Variants in CAPN14 observed in about 807,000 individuals in gnomAD.
CAPN14 encodes the protein calpain-14.
CAPN14 carries 94 observed loss-of-function variants against 101.3 expected under a neutral mutation model. That is an observed-to-expected ratio of 0.93 (90% CI 0.79 to 1.10). CAPN14 has a LOEUF of 1.10. Ranked by LOEUF, CAPN14 falls within the 50% of genes least tolerant of loss-of-function variation. The pLI, the probability that CAPN14 is intolerant of heterozygous loss-of-function variation, is 0.00. For synonymous variants in CAPN14, 338 were observed against 317.9 expected (o/e 1.06, Z -0.67); for missense variants, 837 against 828.4 (o/e 1.01, Z -0.13).
At chr2:31,229,585 C>G (rs1683125523) in intron 1 of CAPN14, among the ~76,000 whole-genome samples, 1 of 147,962 alleles carries the variant, frequency 6.8e-6, no homozygotes, top group African/African-American at 2.5e-5. Context: ...CTGAGGCAGG[C>G]TGAGAATCTC....
At chr2:31,176,403 T>C (rs886187386) in intron 21 of CAPN14, among the ~76,000 whole-genome samples, 184 bp downstream of exon 21, 2 of 152,216 alleles carry the variant, frequency 1.3e-5, no homozygotes, top group Non-Finnish European at 2.9e-5. Flanking sequence ...ACAAAGTGGG[T>C]GCTCAGAAAA....
At chr2:31,195,029 T>C (rs1315177909) in intron 8 of CAPN14, among the ~76,000 whole-genome samples, 1 of 152,150 alleles carries the variant, frequency 6.6e-6, no homozygotes, top group Non-Finnish European at 1.5e-5. Context: ...CTGAAGGTAA[T>C]TTCCTGGCCA....
At position 31,201,901 on chromosome 2, in the gene CAPN14, T is replaced by A; in HGVS notation, c.512A>T (p.Asn171Ile). 2 of 1,551,708 alleles carry A rather than the reference T, an allele frequency of 1.3e-6. No individual in the cohort carries two copies. Among genetic ancestry groups the A allele is most frequent in the Non-Finnish European group, 1.7e-6 (2 of 1,146,992 alleles). The change falls in exon 5 of 22, where the codon AAC becomes ATC. Residue 171 changes from asparagine (N) to isoleucine (I), a missense_variant. Asn to Ile is a moderately radical substitution (Grantham distance 149). Coordinates refer to ENST00000403897, the MANE Select transcript of CAPN14 (RefSeq NM_001145122.2). ...TTCCAGAAGTGCTCCCCAGAACAAG[T>A]TCTTATAGGTGGAGGAGACAAAGAC... Reference protein sequence around the residue: ...QLVFVSSTYKNLFWGALLEKA... With the variant: ...QLVFVSSTYKILFWGALLEKA...
chr2:31,176,958 A>AG, intron 20 of CAPN14, 68 bp downstream of exon 20: 1 of 1,168,054 alleles, frequency 8.6e-7, no homozygotes, highest in Admixed American at 2.0e-5. Context: ...TGCTTAAACT[A>AG]GGGACAGGTG....
chr2:31,189,341 G>A lies in CAPN14; in HGVS notation c.1425C>T (p.Pro475=). The part of the protein sequence containing the change: ...CLEPGTYLIV[P]CILEAHQKSE... ...ACTTCTGGTGGGCCTCCAATATGCA[G>A]GGCACGATGAGGTACGTCCCTGGTT... The change falls in exon 13 of 22, where the codon CCC becomes CCT. Residue 475 remains proline (P), a synonymous_variant. Transcript: ENST00000403897. 6.4e-7 allele frequency: 1 copy of A among 1,551,734 alleles called. No homozygotes were observed. Among genetic ancestry groups the A allele is most frequent in the Non-Finnish European group, 8.7e-7 (1 of 1,147,014 alleles).
rs537380910 is a variant in CAPN14 at position 31,202,009 on chromosome 2, A to G, written c.415-11T>C. 27 of 1,551,514 alleles carry G rather than the reference A, an allele frequency of 1.7e-5. No individual in the cohort carries two copies. In the South Asian group the frequency reaches 3.0e-4, roughly 17 times the overall value. ...CCCATAGTGCCAGAACTGGAGGGAG[A>G]GAGTGGCCCCGGGTGAATGAGGACT... On this transcript the variant is annotated splice_polypyrimidine_tract_variant and intron_variant, in intron 4 of 21. Coordinates refer to ENST00000403897, the MANE Select transcript of CAPN14 (RefSeq NM_001145122.2).
At chr2:31,223,696 T>C (rs1363214007) in intron 2 of CAPN14, among the ~76,000 whole-genome samples, 1 of 151,908 alleles carries the variant, frequency 6.6e-6, no homozygotes, top group Non-Finnish European at 1.5e-5. Flanking sequence ...GCGTGGCTAA[T>C]TTTTTGTATT....
upstream of CAPN14, among the ~76,000 whole-genome samples, chr2:31,220,710 T>C (rs1314658148): frequency 1.3e-5 from 2 of 152,172 alleles, no homozygotes; most frequent in Admixed American, 6.5e-5. Context: ...ACATCTGTAA[T>C]CCCAGCTACT....
At chr2:31,207,315 T>C (rs932887344) in intron 1 of CAPN14, among the ~76,000 whole-genome samples, 4 of 152,220 alleles carry the variant, frequency 2.6e-5, no homozygotes, top group Admixed American at 6.5e-5. Flanking sequence ...TATGGACCCA[T>C]TGTCTGCCCC....
intron 1 of CAPN14, among the ~76,000 whole-genome samples, chr2:31,229,507 C>T (rs367972964): frequency 2.0e-5 from 3 of 151,974 alleles, no homozygotes; most frequent in Non-Finnish European, 2.9e-5. Flanking sequence ...GAAACTCCAT[C>T]TCTACTAAAA....
chr2:31,218,462 T>A (rs753640249), upstream of CAPN14, among the ~76,000 whole-genome samples: 2 of 152,186 alleles, frequency 1.3e-5, no homozygotes, highest in Non-Finnish European at 2.9e-5. Flanking sequence ...CTTCTTGGCC[T>A]CTGCCTTGAC....
At chr2:31,216,344 CA>C (rs1481024224) in intron 1 of CAPN14, among the ~76,000 whole-genome samples, 2 of 151,998 alleles carry the variant, frequency 1.3e-5, no homozygotes, top group Non-Finnish European at 2.9e-5. Context: ...TTTTGATGGT[CA>C]GGAGAGAGAT....
intron 1 of CAPN14, among the ~76,000 whole-genome samples, chr2:31,229,019 A>G (rs6722609): frequency 0.44 from 66,323 of 152,024 alleles, 15,215 homozygotes; most frequent in Middle Eastern, 0.59. Context: ...GAATGCAAGA[A>G]AAGTCGAGTT....
At chr2:31,233,649 ATAAG>A (rs917615753) in intron 1 of CAPN14, 1 of 152,198 alleles carries the variant, frequency 6.6e-6, no homozygotes, top group Non-Finnish European at 1.5e-5. Flanking sequence ...GAATGAATGA[ATAAG>A]TAAATGGGAA....
In CAPN14 at chr2:31,199,593, G is replaced by A. The variant is rs552776458; in HGVS notation, c.727-61C>T. On this transcript the variant is annotated intron_variant, in intron 6 of 21. Coordinates refer to ENST00000403897, the MANE Select transcript of CAPN14 (RefSeq NM_001145122.2). ...TTATGTACAGCTTATTCTTTGAGTC[G>A]TGGGAAGGCTGTTTGGCTGGAGCAG... 23 of 1,390,860 alleles carry A rather than the reference G, an allele frequency of 1.7e-5. No individual in the cohort carries two copies. The Admixed American group carries it at 2.7e-4, about 16-fold the overall frequency. The allele number at this position is 1,390,860 out of a possible 1,614,324, so 86.2% of individuals were successfully genotyped here. A position where few individuals can be genotyped will look rare whatever the true frequency, so the allele number is the denominator to read the frequency against.
rs182373612 is a variant in CAPN14 at position 31,204,932 on chromosome 2, A to G, written c.225+291T>C. On this transcript the variant is annotated intron_variant, in intron 2 of 21. Coordinates refer to ENST00000403897, the MANE Select transcript of CAPN14 (RefSeq NM_001145122.2). ...GGGACTTGTGATTGCCATCTGAAGT[A>G]GGGGCAGTTTTGTGGGATGAACACT... Among the ~76,000 whole-genome samples the G allele has an allele frequency of 3.0e-3, 452 of 152,240 alleles. 2 individuals are homozygous for G. Among genetic ancestry groups the G allele is most frequent in the African/African-American group, 0.01 (427 of 41,538 alleles).
intron 16 of CAPN14, among the ~76,000 whole-genome samples, chr2:31,182,462 A>C (rs1002936288): frequency 5.8e-5 from 8 of 137,418 alleles, no homozygotes; most frequent in Non-Finnish European, 9.1e-5. Flanking sequence ...AAATCTCCTT[A>C]AGCTGATAAG....
At chr2:31,202,028 G>A (rs769983731) in intron 4 of CAPN14, 30 bp from the exon 5 acceptor site, 3 of 1,550,584 alleles carry the variant, frequency 1.9e-6, no homozygotes, top group Admixed American at 3.9e-5. Flanking sequence ...CCGGGTGAAT[G>A]AGGACTGCTG....
intron 1 of CAPN14, among the ~76,000 whole-genome samples, chr2:31,214,573 C>T (rs955685239): frequency 6.6e-6 from 1 of 152,190 alleles, no homozygotes; most frequent in Non-Finnish European, 1.5e-5. Context: ...AGTCCCTTAA[C>T]TGGCAATGCT....
Sources: allele counts gnomAD v4.1 joint callset (sites outside exome capture counted in the v4.1 genomes callset), GRCh38; gene constraint gnomAD v4.1.1; transcripts MANE v1.5; gene names NCBI Gene and HGNC (gene_info 2026-07-23, HGNC 2026-07-21).